Variants in PHF14 observed in about 807,000 individuals in gnomAD.
The protein encoded by PHF14 is PHD finger protein 14.
In PHF14, 55 loss-of-function variants were observed where a neutral mutation model predicts 117.9. The observed-to-expected ratio is 0.47, with a 90% CI of 0.38 to 0.58. The LOEUF is 0.58. PHF14 is among the 20% of genes least tolerant of loss of function. The probability of loss-of-function intolerance (pLI) is 0.00; values close to 1 mark genes in which losing one functional copy is unlikely to be tolerated. For missense variants in PHF14, 978 were observed against 1,122.2 expected (o/e 0.87, Z 1.84); for synonymous variants, 409 against 368.6 (o/e 1.11, Z -1.26).
chr7:11,028,824 T>C lies in PHF14; in HGVS notation c.1455+6T>C. On this transcript the variant is annotated splice_donor_region_variant and intron_variant, in intron 7 of 17. Transcript: ENST00000634607. ...CAGAGGCAGCGGCGGAAGAGGTAGG[T>C]TTATTTAAACCCATAGTTGGTGAAC... is the stretch of plus-strand genomic sequence containing the variant. 6.2e-7 allele frequency: 1 copy of C among 1,612,890 alleles called. No homozygotes were observed. Among genetic ancestry groups the C allele is most frequent in the South Asian group, 1.1e-5 (1 of 90,994 alleles).
At position 10,990,861 on chromosome 7, in the gene PHF14, C is replaced by G. The variant is rs748733899; in HGVS notation, c.1045+14C>G. ...CAGTCCATGAAGGTAATGTTGCTTTCTTTTCTCTCTTTTTAGAAATGGCTG... is the reference window on the plus strand; with the variant it reads ...CAGTCCATGAAGGTAATGTTGCTTTGTTTTCTCTCTTTTTAGAAATGGCTG... On this transcript the variant is annotated intron_variant, in intron 4 of 17. Transcript: ENST00000634607. 1.9e-6 allele frequency: 3 copies of G among 1,550,190 alleles called. No homozygotes were observed. The South Asian group carries it at 3.6e-5, about 19-fold the overall frequency.
chr7:11,044,918 T>G (rs1480369959), intron 13 of PHF14, among the ~76,000 whole-genome samples: 2 of 152,176 alleles, frequency 1.3e-5, no homozygotes, highest in African/African-American at 4.8e-5. Flanking sequence ...TCTGAAAATC[T>G]GAAATCTGCA....
At chr7:11,035,535 C>T in intron 7 of PHF14, 105 bp from the exon 8 acceptor site, 1 of 590,364 alleles carries the variant, frequency 1.7e-6, no homozygotes, top group Non-Finnish European at 2.7e-6. Flanking sequence ...ATGTAACTAG[C>T]ACTAGTAGAT....
intron 16 of PHF14, among the ~76,000 whole-genome samples, chr7:11,068,235 C>T (rs1432415540): frequency 1.3e-5 from 2 of 151,602 alleles, no homozygotes; most frequent in Non-Finnish European, 2.9e-5. Flanking sequence ...CCAGTAGTCC[C>T]AGCTACTTGG....
chr7:11,013,413 C>T (rs918522563), intron 4 of PHF14, among the ~76,000 whole-genome samples: 2 of 152,138 alleles, frequency 1.3e-5, no homozygotes, highest in East Asian at 1.9e-4. Context: ...CTGCCCACCT[C>T]GGCCTCCCAA....
chr7:11,104,177 C>A, intron 16 of PHF14: 3 of 983,686 alleles, frequency 3.0e-6, no homozygotes, highest in Non-Finnish European at 3.6e-6. Context: ...ATCCTTTTCA[C>A]TTTGATTCCA....
intron 16 of PHF14, chr7:11,106,844 ATAG>A: frequency 1.0e-6 from 1 of 984,096 alleles, no homozygotes; most frequent in Non-Finnish European, 1.2e-6. Context: ...GACAGACATA[ATAG>A]TCTATATTTT....
At chr7:11,095,443 C>G (rs368048250) in intron 16 of PHF14, among the ~76,000 whole-genome samples, 3 of 152,080 alleles carry the variant, frequency 2.0e-5, no homozygotes, top group Non-Finnish European at 4.4e-5. Flanking sequence ...GGTCTTTATT[C>G]TGTAATTAAC....
intron 5 of PHF14, among the ~76,000 whole-genome samples, chr7:11,017,319 T>C (rs141272388): frequency 6.6e-6 from 1 of 152,288 alleles, no homozygotes; most frequent in Non-Finnish European, 1.5e-5. Flanking sequence ...ACCTCCAAAG[T>C]TTTCTTCATC....
At chr7:11,091,654 A>C (rs1786645607) in intron 16 of PHF14, among the ~76,000 whole-genome samples, 1 of 152,090 alleles carries the variant, frequency 6.6e-6, no homozygotes, top group Non-Finnish European at 1.5e-5. Flanking sequence ...GCTACTCCGG[A>C]GGCTGAGGTG....
chr7:10,987,865 A>T (rs1782277858), intron 3 of PHF14, among the ~76,000 whole-genome samples: 1 of 151,946 alleles, frequency 6.6e-6, no homozygotes. Context: ...GTTAAAACAG[A>T]TCTAGCTGGG....
chr7:11,140,350 G>GCT (rs1015142161), intron 17 of PHF14, among the ~76,000 whole-genome samples: 7 of 151,988 alleles, frequency 4.6e-5, no homozygotes, highest in African/African-American at 1.7e-4. Flanking sequence ...AATGTTCACA[G>GCT]CTCAGTAAAT....
At chr7:11,111,581 A>T in intron 17 of PHF14, 114 bp downstream of exon 17, 1 of 604,088 alleles carries the variant, frequency 1.7e-6, no homozygotes, top group Non-Finnish European at 3.0e-6. Flanking sequence ...CCAACATTTT[A>T]ACCAGTACAC....
At position 11,096,936 on chromosome 7, in the gene PHF14, A is replaced by G. The variant is rs115326219; in HGVS notation, c.2655-14414A>G. 5.7e-3 allele frequency among the ~76,000 whole-genome samples: 846 copies of G among 148,194 alleles called. 10 individuals carry two copies. The highest frequency in any genetic ancestry group is 0.02 in the African/African-American group (806 of 40,116). On this transcript the variant is annotated intron_variant, in intron 16 of 17. Transcript: ENST00000634607. ...TTTAATCTTAGTACCTGTTTACTTC[A>G]TTGATAGTATTTTGCCCCAACAATA...
At position 11,012,443 on chromosome 7, in the gene PHF14, G is replaced by T. The variant is rs535185892; in HGVS notation, c.1046-1304G>T. ...TTTATGTGAGTTTTGTATCCCACAA[G>T]TGTATTTTCACTCTGTGTTGTGTTG... On this transcript the variant is annotated intron_variant, in intron 4 of 17. Coordinates refer to ENST00000634607, the MANE Select transcript of PHF14 (RefSeq NM_001007157.2). Among the ~76,000 whole-genome samples the T allele has an allele frequency of 1.5e-4, 23 of 152,284 alleles. 1 individual carries two copies. The South Asian group carries it at 4.8e-3, about 32-fold the overall frequency.
chr7:11,011,548 C>T (rs1482134075), intron 4 of PHF14, among the ~76,000 whole-genome samples: 2 of 152,276 alleles, frequency 1.3e-5, no homozygotes, highest in South Asian at 2.1e-4. Flanking sequence ...TAGAATAAAC[C>T]TGGTCAAAAG....
At chr7:11,124,307 T>C (rs1404576934) in intron 17 of PHF14, among the ~76,000 whole-genome samples, 1 of 152,176 alleles carries the variant, frequency 6.6e-6, no homozygotes, top group Non-Finnish European at 1.5e-5. Context: ...CTTTCTGTTA[T>C]ATAATGGTAT....
At chr7:11,013,982 T>G in intron 5 of PHF14, 76 bp downstream of exon 5, 2 of 922,938 alleles carry the variant, frequency 2.2e-6, no homozygotes, top group Admixed American at 4.6e-5. Context: ...TTCTTCTGTT[T>G]ATGATTACAC....
intron 14 of PHF14, among the ~76,000 whole-genome samples, chr7:11,056,711 T>C (rs1166227377): frequency 2.0e-5 from 3 of 150,540 alleles, no homozygotes; most frequent in African/African-American, 4.8e-5. Flanking sequence ...TTAGGAATTA[T>C]GTATATGTAT....
Sources: allele counts gnomAD v4.1 joint callset (sites outside exome capture counted in the v4.1 genomes callset), GRCh38; gene constraint gnomAD v4.1.1; transcripts MANE v1.5; gene names NCBI Gene and HGNC (gene_info 2026-07-23, HGNC 2026-07-21).